Variants in KLRG1 observed in about 807,000 individuals in gnomAD.
The protein encoded by KLRG1 is killer cell lectin-like receptor subfamily G member 1.
In KLRG1, 16 loss-of-function variants were observed where a neutral mutation model predicts 21.8. The observed-to-expected ratio is 0.73, with a 90% CI of 0.50 to 1.11. The LOEUF (loss-of-function observed/expected upper bound fraction) is 1.11. Among genes scored for constraint, KLRG1 ranks in the 50% most tolerant of loss-of-function variants. The pLI is 0.00. For missense variants in KLRG1, 173 were observed against 218.3 expected (o/e 0.79, Z 1.31); for synonymous variants, 69 against 75.9 (o/e 0.91, Z 0.47).
chr12:9,070,631 T>G, the KLRG1 span: 2 of 1,266,580 alleles, frequency 1.6e-6, no homozygotes, highest in Non-Finnish European at 2.3e-6. Context: ...TTAAATATTT[T>G]CTTCTTCTAT....
chr12:9,138,651 T>C, the KLRG1 span, among the ~76,000 whole-genome samples: 1 of 152,066 alleles, frequency 6.6e-6, no homozygotes, highest in Non-Finnish European at 1.5e-5. Flanking sequence ...GTTAGAAGGA[T>C]TTTTGTTATT....
the KLRG1 span, among the ~76,000 whole-genome samples, chr12:9,146,530 T>A: frequency 1.3e-3 from 193 of 152,322 alleles, no homozygotes; most frequent in African/African-American, 4.5e-3. Flanking sequence ...ATTTTGTTCC[T>A]CTTTAAAGGA....
chr12:9,053,020 A>G, the KLRG1 span, among the ~76,000 whole-genome samples: 1 of 152,138 alleles, frequency 6.6e-6, no homozygotes, highest in East Asian at 1.9e-4. Context: ...GTTTTGTTAT[A>G]ATGTTGATGA....
chr12:8,958,793 G>T (rs978633170), intron 1 of KLRG1, among the ~76,000 whole-genome samples: 4 of 151,054 alleles, frequency 2.6e-5, no homozygotes, highest in Non-Finnish European at 4.4e-5. Context: ...GGAGGTCAAG[G>T]CTTCAGAGAG....
At chr12:9,173,347 A>G in the KLRG1 span, among the ~76,000 whole-genome samples, 1 of 152,238 alleles carries the variant, frequency 6.6e-6, no homozygotes, top group Non-Finnish European at 1.5e-5. Flanking sequence ...AATTTATAGC[A>G]CTAAGTGCCT....
At chr12:9,068,230 A>G in the KLRG1 span, 317 of 1,604,790 alleles carry the variant, frequency 2.0e-4, 1 homozygote, top group Middle Eastern at 2.6e-3. Flanking sequence ...CTCATCTGAA[A>G]AAAAAAAAAC....
At chr12:9,200,969 A>G in the KLRG1 span, 5 of 1,613,826 alleles carry the variant, frequency 3.1e-6, no homozygotes, top group Middle Eastern at 1.6e-4. Flanking sequence ...GGAGCCCTGA[A>G]TGGGCTCTGA....
chr12:9,207,693 TAGG>T, the KLRG1 span, among the ~76,000 whole-genome samples: 1 of 152,144 alleles, frequency 6.6e-6, no homozygotes, highest in Non-Finnish European at 1.5e-5. Context: ...TTTTCTCTAT[TAGG>T]AGTTAATGGA....
At chr12:9,108,951 G>A in the KLRG1 span, among the ~76,000 whole-genome samples, 2 of 152,110 alleles carry the variant, frequency 1.3e-5, no homozygotes, top group South Asian at 2.1e-4. Context: ...ATAGCCATGT[G>A]TTAATTATCT....
chr12:9,143,104 G>A, the KLRG1 span, among the ~76,000 whole-genome samples: 1 of 152,168 alleles, frequency 6.6e-6, no homozygotes, highest in African/African-American at 2.4e-5. Flanking sequence ...TTTTTCATCA[G>A]GGGTGAGGGT....
the KLRG1 span, chr12:9,091,441 T>C: frequency 6.2e-7 from 1 of 1,613,370 alleles, no homozygotes; most frequent in East Asian, 2.2e-5. Flanking sequence ...TGGAGAGGAG[T>C]GTAAGTGAAG....
the KLRG1 span, among the ~76,000 whole-genome samples, chr12:9,121,196 T>C: frequency 6.6e-6 from 1 of 152,132 alleles, no homozygotes; most frequent in East Asian, 1.9e-4. The surrounding 1 kb of genome is among the most constrained non-coding windows in gnomAD (Gnocchi z 4.4). Context: ...TTTCTGCTTT[T>C]TAATGAGAAA....
chr12:9,205,002 CA>C, the KLRG1 span, among the ~76,000 whole-genome samples: 1 of 151,818 alleles, frequency 6.6e-6, no homozygotes, highest in East Asian at 1.9e-4. Context: ...GAGGCTGAGG[CA>C]AGAAGGATCA....
At chr12:9,027,483 GC>G in the KLRG1 span, 2 of 908,060 alleles carry the variant, frequency 2.2e-6, no homozygotes, top group African/African-American at 1.6e-5. Context: ...TAGCTTCCCT[GC>G]CACTTCTCTG....
At chr12:9,179,523 G>A in the KLRG1 span, among the ~76,000 whole-genome samples, 1 of 152,200 alleles carries the variant, frequency 6.6e-6, no homozygotes, top group African/African-American at 2.4e-5. Flanking sequence ...TAACAAAGGT[G>A]TAGTAGGTCA....
At chr12:9,162,562 T>C in the KLRG1 span, 3 of 1,483,012 alleles carry the variant, frequency 2.0e-6, no homozygotes, top group African/African-American at 4.2e-5. Flanking sequence ...CTTTGTGGTT[T>C]TGATCTCACT....
chr12:9,059,538 A>T, the KLRG1 span, among the ~76,000 whole-genome samples: 1 of 152,208 alleles, frequency 6.6e-6, no homozygotes, highest in Non-Finnish European at 1.5e-5. Flanking sequence ...ATCAACTTGG[A>T]TACATCCAAG....
chr12:8,988,070 T>A (rs1165268052), upstream of KLRG1, among the ~76,000 whole-genome samples: 3 of 152,162 alleles, frequency 2.0e-5, no homozygotes, highest in Admixed American at 2.0e-4. Flanking sequence ...CTTGCAGAGT[T>A]TTGTCCTATG....
the KLRG1 span, among the ~76,000 whole-genome samples, chr12:9,180,497 A>C: frequency 2.8e-4 from 42 of 152,352 alleles, no homozygotes; most frequent in South Asian, 4.8e-3. Context: ...ATAACTCTGC[A>C]TATCTACAAC....
Sources: allele counts gnomAD v4.1 joint callset (sites outside exome capture counted in the v4.1 genomes callset), GRCh38; gene constraint gnomAD v4.1.1; non-coding constraint Gnocchi (gnomAD v3.1); transcripts MANE v1.5; gene names NCBI Gene and HGNC (gene_info 2026-07-23, HGNC 2026-07-21).